ADAM22: variants seen among roughly 807,000 people sequenced by gnomAD.
ADAM22 encodes the protein disintegrin and metalloproteinase domain-containing protein 22.
A neutral mutation model predicts 144.6 loss-of-function variants in ADAM22; 65 were observed. The ratio of observed to expected loss-of-function variants is 0.45; its 90% CI spans 0.37 to 0.55. The LOEUF (loss-of-function observed/expected upper bound fraction) is 0.55, where lower values mean the gene tolerates loss of function less well. Among genes scored for constraint, ADAM22 ranks in the 20% least tolerant of loss-of-function variants. ADAM22 has a pLI of 0.00. For missense variants in ADAM22, 974 were observed against 1,184.9 expected, an observed-to-expected ratio of 0.82 and a Z score of 2.61; for synonymous variants, 391 against 412.6, an observed-to-expected ratio of 0.95 and a Z score of 0.63.
intron 20 of ADAM22, among the ~76,000 whole-genome samples, 185 bp downstream of exon 20, chr7:88,151,505 A>G (rs1019073565): frequency 6.6e-6 from 1 of 152,210 alleles, no homozygotes; most frequent in Non-Finnish European, 1.5e-5. Context: ...AAGCAGCCCC[A>G]CACATCTTGG....
At chr7:87,984,513 A>G (rs567742116) in intron 3 of ADAM22, among the ~76,000 whole-genome samples, 2 of 152,326 alleles carry the variant, frequency 1.3e-5, no homozygotes, top group African/African-American at 4.8e-5. Flanking sequence ...GCCAACTTTG[A>G]GAAATTATAG....
intron 3 of ADAM22, among the ~76,000 whole-genome samples, chr7:88,017,640 A>G (rs550110273): frequency 1.6e-4 from 25 of 152,226 alleles, no homozygotes; most frequent in African/African-American, 6.0e-4. Flanking sequence ...AAAATATATA[A>G]AGTATGTACT....
chr7:88,100,466 A>G (rs1822605750), intron 4 of ADAM22, among the ~76,000 whole-genome samples: 1 of 152,224 alleles, frequency 6.6e-6, no homozygotes, highest in South Asian at 2.1e-4. Context: ...TAGCCTTTAG[A>G]ATCAGATACT....
intron 22 of ADAM22, among the ~76,000 whole-genome samples, chr7:88,159,883 A>G (rs1390068977): frequency 6.6e-6 from 1 of 152,172 alleles, no homozygotes; most frequent in African/African-American, 2.4e-5. Flanking sequence ...TATTCAACAT[A>G]GTATTGGAAG....
chr7:88,143,075 G>T lies in ADAM22; in HGVS notation c.1270G>T (p.Asp424Tyr). The change falls in exon 15 of 32, where the codon GAC becomes TAC. Residue 424 changes from aspartate (D) to tyrosine (Y), a missense_variant. Asp to Tyr is a radical substitution (Grantham distance 160). This residue lies in a region of ADAM22 where 734 missense variants were observed against 950.6 expected (regional missense o/e 0.77). Coordinates refer to ENST00000413139, the MANE Select transcript of ADAM22 (RefSeq NM_001324418.2). ...CCAGTGTAATATTGAAGAGTATCATGACTTCCTGAATAGTGGAGGTGGTGC... is the reference window on the plus strand; with the variant it reads ...CCAGTGTAATATTGAAGAGTATCATTACTTCCTGAATAGTGGAGGTGGTGC... The part of the protein sequence containing the change: ...FTQCNIEEYH[D>Y]FLNSGGGACL... The T allele has an allele frequency of 6.2e-7, 1 of 1,612,874 alleles. No individual in the cohort carries two copies. Among genetic ancestry groups the T allele is most frequent in the South Asian group, 1.1e-5 (1 of 90,938 alleles).
chr7:88,039,464 A>AAAAAAAAAAAAAAAAAAT lies in ADAM22; in HGVS notation c.324-36161_324-36160insAAAAAAAAAAAAAAAATA. On this transcript the variant is annotated intron_variant, in intron 3 of 31. Coordinates refer to ENST00000413139, the MANE Select transcript of ADAM22 (RefSeq NM_001324418.2). ...GATTCTGTCTCAAAAAAAAAAAAAA[A>AAAAAAAAAAAAAAAAAAT]ATATATATATATATATATATACATT... is the stretch of plus-strand genomic sequence containing the variant. Among the ~76,000 whole-genome samples the AAAAAAAAAAAAAAAAAAT allele has an allele frequency of 1.3e-4, 10 of 76,396 alleles. 1 individual carries two copies. Among genetic ancestry groups the AAAAAAAAAAAAAAAAAAT allele is most frequent in the Admixed American group, 4.5e-4 (3 of 6,648 alleles). The allele number at this position is 76,396 out of a possible 152,430, so 50.1% of individuals were successfully genotyped here.
At chr7:88,058,032 C>T (rs1808761045) in intron 3 of ADAM22, among the ~76,000 whole-genome samples, 1 of 152,170 alleles carries the variant, frequency 6.6e-6, no homozygotes, top group Non-Finnish European at 1.5e-5. Flanking sequence ...TGAACTCTTG[C>T]ATATATCTTT....
intron 22 of ADAM22, among the ~76,000 whole-genome samples, chr7:88,162,130 A>ACACACG (rs774035065): frequency 2.7e-5 from 4 of 150,090 alleles, no homozygotes; most frequent in Non-Finnish European, 6.0e-5. Context: ...ACACACACAC[A>ACACACG]CACCATGGAA....
At chr7:88,050,710 GT>G (rs1396119151) in intron 3 of ADAM22, among the ~76,000 whole-genome samples, 1 of 151,974 alleles carries the variant, frequency 6.6e-6, no homozygotes, top group African/African-American at 2.4e-5. Flanking sequence ...GGGGTTGTTT[GT>G]TTTTTTCTTG....
At chr7:87,967,209 T>G (rs1224090602) in intron 2 of ADAM22, among the ~76,000 whole-genome samples, 1 of 152,196 alleles carries the variant, frequency 6.6e-6, no homozygotes, top group Admixed American at 6.5e-5. Flanking sequence ...AGGTATTTCT[T>G]CATACCAGCA....
intron 3 of ADAM22, among the ~76,000 whole-genome samples, chr7:88,068,456 A>C (rs1296921653): frequency 6.6e-6 from 1 of 152,148 alleles, no homozygotes; most frequent in East Asian, 1.9e-4. Context: ...TTGGATTATA[A>C]TCATATTTGA....
Position 88,165,971 on chromosome 7 carries a change from A to G in ADAM22, c.2191+25A>G, listed in dbSNP as rs564828035. On this transcript the variant is annotated intron_variant, in intron 24 of 31. Coordinates refer to ENST00000413139, the MANE Select transcript of ADAM22 (RefSeq NM_001324418.2). ...GGTAAGTACTTAATTTGGTAACATT[A>G]TGTAGTCTTTATACACAAAGAGAAA... The G allele has an allele frequency of 1.0e-5, 16 of 1,551,706 alleles. No homozygotes were observed. In the East Asian group the frequency reaches 3.2e-4, roughly 31 times the overall value.
intron 2 of ADAM22, among the ~76,000 whole-genome samples, chr7:87,943,084 G>T (rs978992159): frequency 2.0e-5 from 3 of 149,482 alleles, no homozygotes; most frequent in Non-Finnish European, 4.5e-5. Context: ...GGAAATAGTT[G>T]AAAAAATAAG....
chr7:88,058,166 A>G (rs1808804515), intron 3 of ADAM22, among the ~76,000 whole-genome samples: 1 of 152,232 alleles, frequency 6.6e-6, no homozygotes, highest in South Asian at 2.1e-4. Context: ...CCAGAGTGGA[A>G]AAAGCTGACT....
chr7:88,130,230 G>C lies in ADAM22; in HGVS notation c.754-158G>C, dbSNP rs78729749. 5.3e-4 allele frequency among the ~76,000 whole-genome samples: 81 copies of C among 151,896 alleles called. 2 individuals carry two copies. In the East Asian group the frequency reaches 0.015, roughly 28 times the overall value. ...AGATAAAGAACTTGATCTCAGCTCT[G>C]ACTCTGACATTGTTTTACAGACAAC... On this transcript the variant is annotated intron_variant, in intron 9 of 31. Transcript: ENST00000413139.
At chr7:87,945,657 C>T (rs1314586468) in intron 2 of ADAM22, among the ~76,000 whole-genome samples, 1 of 151,760 alleles carries the variant, frequency 6.6e-6, no homozygotes, top group South Asian at 2.1e-4. Flanking sequence ...GGATTACAGG[C>T]GCCTGCCACC....
chr7:88,181,661 G>A (rs1351846925), intron 28 of ADAM22, 56 bp downstream of exon 28: 16 of 1,454,342 alleles, frequency 1.1e-5, no homozygotes, highest in Non-Finnish European at 1.4e-5. Flanking sequence ...TATATTCTGT[G>A]GCCCCTGGTT....
At chr7:87,950,987 T>G (rs1254656913) in intron 2 of ADAM22, among the ~76,000 whole-genome samples, 1 of 152,180 alleles carries the variant, frequency 6.6e-6, no homozygotes, top group East Asian at 1.9e-4. Flanking sequence ...GATGGGGTTG[T>G]TTGTTTTTTT....
intron 4 of ADAM22, among the ~76,000 whole-genome samples, chr7:88,082,782 A>G (rs1005445184): frequency 3.3e-5 from 5 of 152,264 alleles, no homozygotes; most frequent in African/African-American, 7.2e-5. Flanking sequence ...TCAAAACCAC[A>G]ATGAGATACC....
Sources: gnomAD v4.1 joint callset for allele counts (sites outside exome capture counted in the v4.1 genomes callset) on GRCh38, gnomAD v4.1.1 for gene constraint, gnomAD v4.1.1 regional missense constraint, MANE v1.5 for transcripts, NCBI Gene and HGNC (gene_info 2026-07-23, HGNC 2026-07-21) for gene names.